DNAJC2: variants seen among roughly 807,000 people sequenced by gnomAD.
DNAJC2 encodes the protein dnaJ homolog subfamily C member 2.
A neutral mutation model predicts 94.0 loss-of-function variants in DNAJC2; 32 were observed. The observed-to-expected ratio is 0.34, with a 90% CI of 0.26 to 0.46. The LOEUF (loss-of-function observed/expected upper bound fraction) is 0.46, where lower values mean the gene tolerates loss of function less well. Ranked by LOEUF, DNAJC2 falls within the 20% of genes least tolerant of loss-of-function variation. The probability of loss-of-function intolerance (pLI) is 1.00; values close to 1 mark genes in which losing one functional copy is unlikely to be tolerated. For synonymous variants in DNAJC2, 210 were observed against 229.7 expected (o/e 0.91, Z 0.77); for missense variants, 550 against 719.5 (o/e 0.76, Z 2.69).
chr7:103,327,329 T>A, intron 4 of DNAJC2: 1 of 1,283,288 alleles, frequency 7.8e-7, no homozygotes, highest in Non-Finnish European at 1.0e-6. Flanking sequence ...ATAGAACACT[T>A]ACATGAATTA....
At chr7:103,328,169 G>T (rs917518141) in intron 3 of DNAJC2, among the ~76,000 whole-genome samples, 1 of 151,626 alleles carries the variant, frequency 6.6e-6, no homozygotes, top group African/African-American at 2.4e-5. Flanking sequence ...TGATCCACCC[G>T]CCTCGGCCTC....
At chr7:103,318,199 T>A (rs73175837) in intron 12 of DNAJC2, among the ~76,000 whole-genome samples, 9,909 of 152,092 alleles carry the variant, frequency 0.065, 395 homozygotes, top group South Asian at 0.13. Context: ...AAAGTCTCGC[T>A]CTGTTGCCCA....
intron 13 of DNAJC2, 108 bp downstream of exon 13, chr7:103,316,722 A>T: frequency 1.0e-6 from 1 of 961,506 alleles, no homozygotes; most frequent in Non-Finnish European, 1.5e-6. Flanking sequence ...GTGGCACAGA[A>T]TTTATCTCTG....
chr7:103,317,189 TG>T (rs1733494677), intron 12 of DNAJC2, 175 bp from the exon 13 acceptor site: 1 of 596,410 alleles, frequency 1.7e-6, no homozygotes. Flanking sequence ...GCTTCCAGTC[TG>T]CATAGGTCTG....
intron 10 of DNAJC2, among the ~76,000 whole-genome samples, chr7:103,320,278 C>T (rs966331429): frequency 1.9e-4 from 29 of 151,732 alleles, no homozygotes; most frequent in Non-Finnish European, 3.4e-4. Context: ...TTAGTAGAGA[C>T]GGGGTTTCAC....
Position 103,321,915 on chromosome 7 carries a change from T to G in DNAJC2, c.1083+17A>C, listed in dbSNP as rs1259944682. ...ACTTGATTTACTTGTGCCTAGTGTTTGTTCAGTCTGATATACCTTGCATGA... is the reference window on the plus strand; with the variant it reads ...ACTTGATTTACTTGTGCCTAGTGTTGGTTCAGTCTGATATACCTTGCATGA... On this transcript the variant is annotated intron_variant, in intron 10 of 16. Transcript: ENST00000379263. The G allele has an allele frequency of 6.3e-7, 1 of 1,598,334 alleles. No homozygotes were observed. The highest frequency in any genetic ancestry group is 8.5e-7 in the Non-Finnish European group (1 of 1,173,002).
At position 103,341,905 on chromosome 7, in the gene DNAJC2, A is replaced by T. The variant is rs750775297; in HGVS notation, c.114T>A (p.Phe38Leu). Residue 38 changes from phenylalanine (F) to leucine (L), a missense_variant, in exon 2 of 17, where the codon TTT (phenylalanine) becomes TTA (leucine). Physicochemically the swap from Phe to Leu is conservative, Grantham distance 22. Around this residue, in one of 2 missense-constraint regions of DNAJC2, gnomAD observed 279 missense variants for 416.9 expected, o/e 0.67. Transcript: ENST00000379263. ...VEPVGRWFEA[F>L]VKRRNRNASA... is the part of the protein sequence containing the mutation. ...AAGCATTTCTGTTTCTCCTCTTAAC[A>T]AAAGCTTCAAACCATCTTCCCACAG... 6.2e-6 allele frequency: 10 copies of T among 1,612,112 alleles called. No individual in the cohort carries two copies. In the East Asian group the frequency reaches 2.0e-4, roughly 32 times the overall value.
chr7:103,322,481 A>G, intron 9 of DNAJC2, 30 bp downstream of exon 9: 1 of 1,416,560 alleles, frequency 7.1e-7, no homozygotes, highest in Non-Finnish European at 9.6e-7. Flanking sequence ...ATAAACATTT[A>G]AAGTCCACCT....
chr7:103,321,187 C>G (rs965951342), intron 10 of DNAJC2, among the ~76,000 whole-genome samples: 1 of 151,584 alleles, frequency 6.6e-6, no homozygotes, highest in Non-Finnish European at 1.5e-5. Flanking sequence ...GACTGAGACC[C>G]TGCCTCAACA....
intron 3 of DNAJC2, among the ~76,000 whole-genome samples, chr7:103,334,324 G>A (rs1819084033): frequency 6.6e-6 from 1 of 151,740 alleles, no homozygotes; most frequent in Admixed American, 6.5e-5. Context: ...CACTTTGGGA[G>A]ACTGAGGCAG....
chr7:103,317,205 A>C (rs1404652733), intron 12 of DNAJC2, 191 bp from the exon 13 acceptor site: 4 of 560,108 alleles, frequency 7.1e-6, no homozygotes, highest in African/African-American at 1.9e-5. Context: ...GGTCTGCCTG[A>C]GGGACCAAGA....
intron 5 of DNAJC2, among the ~76,000 whole-genome samples, chr7:103,326,042 GA>G (rs1474485115): frequency 6.6e-6 from 1 of 151,834 alleles, no homozygotes; most frequent in Non-Finnish European, 1.5e-5. Flanking sequence ...GTAGTGGCAT[GA>G]CCTCGGCTCA....
At chr7:103,331,473 T>C (rs1019529461) in intron 3 of DNAJC2, among the ~76,000 whole-genome samples, 3 of 152,226 alleles carry the variant, frequency 2.0e-5, no homozygotes, top group African/African-American at 7.2e-5. Context: ...TAATTGTATG[T>C]TTGTATCCAT....
Position 103,322,635 on chromosome 7 carries a change from A to G in DNAJC2, c.812-3T>C. ...TGGATCACAGCTGTATGCATTGTCT[A>G]GCAAAAGAAAAAGTTAATCTCATTT... On this transcript the variant is annotated splice_polypyrimidine_tract_variant and splice_region_variant and intron_variant, in intron 8 of 16. Transcript: ENST00000379263. The G allele has an allele frequency of 6.2e-7, 1 of 1,613,002 alleles. No individual in the cohort carries two copies. Among genetic ancestry groups the G allele is most frequent in the Non-Finnish European group, 8.5e-7 (1 of 1,179,776 alleles).
intron 6 of DNAJC2, 68 bp downstream of exon 6, chr7:103,324,414 T>C: frequency 1.5e-6 from 2 of 1,335,326 alleles, no homozygotes; most frequent in Non-Finnish European, 2.0e-6. Flanking sequence ...TTATAAACAA[T>C]CAAGTACTTA....
In DNAJC2 at chr7:103,317,029, T is replaced by G. The variant is rs1388527975; in HGVS notation, c.1243-15A>C. The G allele has an allele frequency of 6.2e-7, 1 of 1,608,114 alleles. No individual in the cohort carries two copies. The highest frequency in any genetic ancestry group is 1.3e-5 in the African/African-American group (1 of 74,670). On this transcript the variant is annotated splice_polypyrimidine_tract_variant and intron_variant, in intron 12 of 16. Coordinates refer to ENST00000379263, the MANE Select transcript of DNAJC2 (RefSeq NM_014377.3). Reference sequence around the variant, plus strand: ...ATTTCTTCTATCTGCACAAATATCATAAGTCAGGGACTTAGAAGTATACTG... The same window carrying G: ...ATTTCTTCTATCTGCACAAATATCAGAAGTCAGGGACTTAGAAGTATACTG...
At chr7:103,314,729 C>G in intron 15 of DNAJC2, 1 of 795,032 alleles carries the variant, frequency 1.3e-6, no homozygotes, top group Non-Finnish European at 1.5e-6. Context: ...TTTTCCTCCC[C>G]TATATTAACA....
At chr7:103,321,883 A>G (rs773179522) in intron 10 of DNAJC2, 49 bp downstream of exon 10, 12 of 1,555,450 alleles carry the variant, frequency 7.7e-6, no homozygotes, top group Non-Finnish European at 8.7e-6. Context: ...TTTTTGCTTA[A>G]TAAGCAACTT....
chr7:103,338,476 T>C (rs1819259623), intron 2 of DNAJC2, among the ~76,000 whole-genome samples: 1 of 151,384 alleles, frequency 6.6e-6, no homozygotes, highest in Non-Finnish European at 1.5e-5. Context: ...TGTGTATTTT[T>C]AGTAGAGACA....
Sources: gnomAD v4.1 joint callset for allele counts (sites outside exome capture counted in the v4.1 genomes callset) on GRCh38, gnomAD v4.1.1 for gene constraint, gnomAD v4.1.1 regional missense constraint, MANE v1.5 for transcripts, NCBI Gene and HGNC (gene_info 2026-07-23, HGNC 2026-07-21) for gene names.